KNDC1: variants seen among roughly 807,000 people sequenced by gnomAD.
KNDC1 encodes kinase non-catalytic C-lobe domain-containing protein 1.
In KNDC1, 106 loss-of-function variants were observed where a neutral mutation model predicts 172.8. The ratio of observed to expected loss-of-function variants is 0.61; its 90% CI spans 0.52 to 0.72. The LOEUF is 0.72. Ranked by LOEUF, KNDC1 falls within the 30% of genes least tolerant of loss-of-function variation. KNDC1 has a pLI of 0.00. For missense variants in KNDC1, 2,325 were observed against 2,394.5 expected, an observed-to-expected ratio of 0.97 and a Z score of 0.61; for synonymous variants, 1,083 against 1,062.2, an observed-to-expected ratio of 1.02 and a Z score of -0.38.
intron 16 of KNDC1, 71 bp downstream of exon 16, chr10:133,200,531 G>A (rs557879099): frequency 2.6e-6 from 3 of 1,169,052 alleles, no homozygotes; most frequent in South Asian, 1.8e-5. Flanking sequence ...CAATGCGGGG[G>A]GCGCCCCAGG....
intron 7 of KNDC1, among the ~76,000 whole-genome samples, chr10:133,189,294 G>A (rs1300017527): frequency 1.3e-5 from 2 of 152,184 alleles, no homozygotes; most frequent in Admixed American, 1.3e-4. Context: ...CGGGGCCTGT[G>A]ACACGGGGGC....
intron 3 of KNDC1, among the ~76,000 whole-genome samples, chr10:133,179,635 C>T (rs530530858): frequency 1.3e-5 from 2 of 152,316 alleles, no homozygotes; most frequent in South Asian, 4.1e-4. Context: ...GCTCAGGAAT[C>T]GCATCTCGTG....
At position 133,185,557 on chromosome 10, in the gene KNDC1, G is replaced by A. The variant is rs116781977; in HGVS notation, c.626-417G>A. Reference sequence around the variant, plus strand: ...CACACAGCAGAGAGAGATCAACGCCGTGTGTGGGAGGCGGCCGCTGACGGC... The same window carrying A: ...CACACAGCAGAGAGAGATCAACGCCATGTGTGGGAGGCGGCCGCTGACGGC... On this transcript the variant is annotated intron_variant, in intron 5 of 29. Coordinates refer to ENST00000304613, the MANE Select transcript of KNDC1 (RefSeq NM_152643.8). Among the ~76,000 whole-genome samples the A allele has an allele frequency of 3.2e-3, 482 of 152,022 alleles. 3 individuals are homozygous for A. Among genetic ancestry groups the A allele is most frequent in the African/African-American group, 0.011 (459 of 41,376 alleles).
intron 6 of KNDC1, among the ~76,000 whole-genome samples, chr10:133,187,594 G>A (rs940493719): frequency 4.6e-5 from 7 of 152,150 alleles, no homozygotes; most frequent in South Asian, 2.1e-4. Context: ...CTGGCGGCAC[G>A]CCTTCCCACG....
chr10:133,188,683 C>T (rs370633489), intron 7 of KNDC1, 30 bp downstream of exon 7: 15 of 1,153,140 alleles, frequency 1.3e-5, no homozygotes, highest in Middle Eastern at 3.3e-4. Context: ...ATCCCCCCCG[C>T]CGTCCCCACC....
intron 26 of KNDC1, among the ~76,000 whole-genome samples, chr10:133,216,894 C>T (rs1447093754): frequency 1.3e-5 from 2 of 152,220 alleles, no homozygotes; most frequent in Non-Finnish European, 2.9e-5. Flanking sequence ...CGATGAACCT[C>T]GAGGGACTCA....
chr10:133,169,900 G>A (rs545224425), intron 3 of KNDC1, among the ~76,000 whole-genome samples: 27 of 152,356 alleles, frequency 1.8e-4, no homozygotes, highest in Non-Finnish European at 2.2e-4. Context: ...CCCCTACTCC[G>A]TGGTTCCCCC....
At chr10:133,185,921 A>AGGGGAGGGGTGGGAGGAGT in intron 5 of KNDC1, 53 bp from the exon 6 acceptor site, 1 of 960,322 alleles carries the variant, frequency 1.0e-6, no homozygotes, top group Non-Finnish European at 1.4e-6. Flanking sequence ...GCGGGAGGAG[A>AGGGGAGGGGTGGGAGGAGT]GGGGAGGGGC....
In KNDC1 at chr10:133,186,454, C is replaced by T. The variant is rs534543804; in HGVS notation, c.1106C>T (p.Pro369Leu). 5.6e-6 allele frequency: 9 copies of T among 1,612,442 alleles called. No homozygotes were observed. The Admixed American group carries it at 8.3e-5, about 15-fold the overall frequency. ...PKCRLWPEQE[P>L]EHQLGRVPCA... ...TGCAGGCTGTGGCCGGAGCAGGAGCCGGAACACCAGCTGGGACGGGTTCCC... is the reference window on the plus strand; with the variant it reads ...TGCAGGCTGTGGCCGGAGCAGGAGCTGGAACACCAGCTGGGACGGGTTCCC... The change falls in exon 6 of 30, where the codon CCG becomes CTG. Residue 369 changes from proline to leucine, a missense_variant. Physicochemically the swap from Pro to Leu is moderately conservative, Grantham distance 98. Coordinates refer to ENST00000304613, the MANE Select transcript of KNDC1 (RefSeq NM_152643.8).
At chr10:133,167,329 G>A (rs541419921) in intron 1 of KNDC1, 52 bp from the exon 2 acceptor site, 26 of 1,488,080 alleles carry the variant, frequency 1.7e-5, no homozygotes, top group African/African-American at 5.6e-5. Flanking sequence ...TGGGGGTGCC[G>A]GGGCCTGGCT....
At position 133,186,513 on chromosome 10, in the gene KNDC1, G is replaced by A; in HGVS notation, c.1165G>A (p.Val389Met). The A allele has an allele frequency of 1.2e-6, 2 of 1,612,294 alleles. No individual in the cohort carries two copies. Among genetic ancestry groups the A allele is most frequent in the East Asian group, 2.2e-5 (1 of 44,846 alleles). ...AGRSTDRGPG[V>M]PGSPGQPETS... ...CCGCAGCACGGACAGGGGCCCTGGG[G>A]TGCCCGGCAGTCCAGGACAGCCCGA... Residue 389 changes from valine to methionine, a missense_variant, in exon 6 of 30, where the codon GTG becomes ATG. Coordinates refer to ENST00000304613, the MANE Select transcript of KNDC1 (RefSeq NM_152643.8).
chr10:133,181,237 C>G (rs1206494618), intron 3 of KNDC1, among the ~76,000 whole-genome samples: 5 of 152,242 alleles, frequency 3.3e-5, no homozygotes, highest in Admixed American at 2.6e-4. Flanking sequence ...ATGGGAAGCA[C>G]CCACAGCAGC....
intron 3 of KNDC1, among the ~76,000 whole-genome samples, chr10:133,169,026 C>CTA (rs1853283569): frequency 6.6e-6 from 1 of 152,218 alleles, no homozygotes; most frequent in Non-Finnish European, 1.5e-5. Context: ...CAGGGAGTGG[C>CTA]CCATTGGTGG....
chr10:133,180,409 C>T (rs1461651413), intron 3 of KNDC1, among the ~76,000 whole-genome samples: 1 of 152,234 alleles, frequency 6.6e-6, no homozygotes, highest in Non-Finnish European at 1.5e-5. Flanking sequence ...TGAGGCTCCG[C>T]GGCTGCAAGG....
At position 133,209,276 on chromosome 10, in the gene KNDC1, G is replaced by GGC. The variant is rs1845298971; in HGVS notation, c.3795-1334_3795-1333insCG. Among the ~76,000 whole-genome samples the GGC allele has an allele frequency of 9.6e-6, 1 of 104,410 alleles. No homozygotes were observed. The highest frequency in any genetic ancestry group is 3.6e-5 in the African/African-American group (1 of 28,096). The allele number at this position is 104,410 out of a possible 152,430, so 68.5% of individuals were successfully genotyped here. On this transcript the variant is annotated intron_variant, in intron 20 of 29. Coordinates refer to ENST00000304613, the MANE Select transcript of KNDC1 (RefSeq NM_152643.8). This position sits in a 1 kb window ranked among gnomAD's most constrained non-coding sequence, Gnocchi z 4.9. Reference sequence around the variant, plus strand: ...GTGTGGTATGCGGTAGTGTGTGTGTGGTGTGTGGAGTATAGTGTGTGTGGT... The same window carrying GGC: ...GTGTGGTATGCGGTAGTGTGTGTGTGGCGTGTGTGGAGTATAGTGTGTGTGGT...
In KNDC1 at chr10:133,211,760, C is replaced by T. The variant is rs200763419; in HGVS notation, c.4138C>T (p.Arg1380Cys). Reference protein sequence around the residue: ...GMDRRAEGNPRGTDLENPREA... With the variant: ...GMDRRAEGNPCGTDLENPREA... ...GGACCGGCGGGCCGAGGGCAACCCT[C>T]GCGGCACAGACCTGGAGAACCCCAG... Residue 1380 changes from arginine to cysteine, a missense_variant, in exon 23 of 30, where the codon CGC (arginine) becomes TGC (cysteine). Transcript: ENST00000304613. The T allele has an allele frequency of 6.2e-7, 1 of 1,610,512 alleles. No homozygotes were observed. Among genetic ancestry groups the T allele is most frequent in the South Asian group, 1.1e-5 (1 of 91,024 alleles).
intron 23 of KNDC1, 137 bp from the exon 24 acceptor site, chr10:133,212,579 T>TG: frequency 1.4e-6 from 1 of 695,042 alleles, no homozygotes; most frequent in Non-Finnish European, 2.4e-6. Context: ...GGCTGCTCTC[T>TG]GGCTCTGGCT....
At chr10:133,189,280 G>T (rs548111707) in intron 7 of KNDC1, among the ~76,000 whole-genome samples, 1 of 152,160 alleles carries the variant, frequency 6.6e-6, no homozygotes, top group East Asian at 1.9e-4. Context: ...GCCCTGACTC[G>T]GGACGGGGCC....
chr10:133,195,213 A>G (rs1037117986), intron 9 of KNDC1, among the ~76,000 whole-genome samples: 2 of 152,248 alleles, frequency 1.3e-5, no homozygotes, highest in African/African-American at 4.8e-5. Flanking sequence ...GTTTGCACAC[A>G]GGCGGTGTGT....
Sources: gnomAD v4.1 joint callset for allele counts (sites outside exome capture counted in the v4.1 genomes callset) on GRCh38, gnomAD v4.1.1 for gene constraint, Gnocchi (gnomAD v3.1) non-coding constraint, MANE v1.5 for transcripts, NCBI Gene and HGNC (gene_info 2026-07-23, HGNC 2026-07-21) for gene names.